CDH18: variants seen among roughly 807,000 people sequenced by gnomAD.
CDH18 encodes cadherin-18.
A neutral mutation model predicts 67.9 loss-of-function variants in CDH18; 31 were observed. The ratio of observed to expected loss-of-function variants is 0.46; its 90% CI spans 0.34 to 0.62. The LOEUF (loss-of-function observed/expected upper bound fraction) is 0.62, where lower values mean the gene tolerates loss of function less well. CDH18 is among the 20% of genes least tolerant of loss of function. The pLI is 0.01. For synonymous variants in CDH18, 362 were observed against 347.2 expected (o/e 1.04, Z -0.48); for missense variants, 890 against 975.5 (o/e 0.91, Z 1.17).
intron 1 of CDH18, among the ~76,000 whole-genome samples, chr5:20,498,065 G>T (rs1754016394): frequency 6.6e-6 from 1 of 152,118 alleles, no homozygotes; most frequent in Non-Finnish European, 1.5e-5. Context: ...CCAGTAACCA[G>T]ATCTTGGACT....
At chr5:20,235,936 A>G (rs531285299) in intron 2 of CDH18, among the ~76,000 whole-genome samples, 1 of 152,198 alleles carries the variant, frequency 6.6e-6, no homozygotes, top group African/African-American at 2.4e-5. Context: ...GAACAAAATC[A>G]TGTCCTTCAC....
chr5:20,553,369 C>G (rs1479834790), intron 1 of CDH18, among the ~76,000 whole-genome samples: 1 of 152,028 alleles, frequency 6.6e-6, no homozygotes, highest in Non-Finnish European at 1.5e-5. Flanking sequence ...AGCATTGTTA[C>G]CAAATAGCAT....
chr5:19,812,590 C>G (rs1035938069), intron 3 of CDH18, among the ~76,000 whole-genome samples: 1 of 151,946 alleles, frequency 6.6e-6, no homozygotes, highest in African/African-American at 2.4e-5. Context: ...TACAGGAGAA[C>G]AAAAGAACAA....
chr5:20,250,586 T>G, intron 2 of CDH18, among the ~76,000 whole-genome samples: 1 of 121,532 alleles, frequency 8.2e-6, no homozygotes, highest in Non-Finnish European at 1.6e-5. Context: ...CCACGGCCCA[T>G]GGCTTTTTTT....
chr5:19,774,501 C>G (rs1466265343), intron 3 of CDH18, among the ~76,000 whole-genome samples: 1 of 150,062 alleles, frequency 6.7e-6, no homozygotes, highest in Admixed American at 6.7e-5. Context: ...AAATGGAGCC[C>G]TCATGAATGG....
intron 2 of CDH18, among the ~76,000 whole-genome samples, chr5:19,873,413 T>C (rs1485031487): frequency 1.3e-5 from 2 of 152,052 alleles, no homozygotes; most frequent in Admixed American, 6.6e-5. Flanking sequence ...AAATTCTGGT[T>C]GTGTTAACCA....
At chr5:20,111,597 A>G (rs1470343486) in intron 2 of CDH18, among the ~76,000 whole-genome samples, 3 of 116,766 alleles carry the variant, frequency 2.6e-5, no homozygotes, top group African/African-American at 3.4e-5. Context: ...GCCAGGCTGG[A>G]GTGCTGGTGC....
At chr5:20,003,025 C>A (rs1488875356) in intron 2 of CDH18, among the ~76,000 whole-genome samples, 1 of 151,258 alleles carries the variant, frequency 6.6e-6, no homozygotes, top group Non-Finnish European at 1.5e-5. Context: ...AGTTTACATG[C>A]AAATTAATTA....
At chr5:19,492,351 G>T (rs1431748916) in intron 11 of CDH18, among the ~76,000 whole-genome samples, 2 of 152,086 alleles carry the variant, frequency 1.3e-5, no homozygotes, top group African/African-American at 2.4e-5. Context: ...GGATTAGGTT[G>T]CACTTGCATA....
intron 2 of CDH18, among the ~76,000 whole-genome samples, chr5:20,075,603 A>T (rs768226458): frequency 2.0e-5 from 3 of 152,244 alleles, no homozygotes; most frequent in Non-Finnish European, 4.4e-5. Flanking sequence ...ACGTCAAAAA[A>T]GAAAATTAAA....
chr5:20,046,678 A>G (rs1031305864), intron 2 of CDH18, among the ~76,000 whole-genome samples: 25 of 149,648 alleles, frequency 1.7e-4, no homozygotes, highest in African/African-American at 5.8e-4. Flanking sequence ...GTGTGTGTGT[A>G]TATATATATC....
At chr5:20,161,580 A>T (rs1486080610) in intron 2 of CDH18, among the ~76,000 whole-genome samples, 2 of 152,210 alleles carry the variant, frequency 1.3e-5, no homozygotes, top group African/African-American at 4.8e-5. Flanking sequence ...TGTTCTCATT[A>T]TCTCTTTTTG....
chr5:20,238,702 AG>A (rs1742659478), intron 2 of CDH18, among the ~76,000 whole-genome samples: 1 of 152,194 alleles, frequency 6.6e-6, no homozygotes, highest in Non-Finnish European at 1.5e-5. Flanking sequence ...ACAAAAGAAA[AG>A]AAAGTATGTG....
At chr5:20,082,771 A>G (rs1015824210) in intron 2 of CDH18, among the ~76,000 whole-genome samples, 2 of 152,210 alleles carry the variant, frequency 1.3e-5, no homozygotes, top group Non-Finnish European at 1.5e-5. Context: ...CAAAAAGACA[A>G]ACATATGCGG....
At chr5:20,115,066 T>A (rs915054401) in intron 2 of CDH18, among the ~76,000 whole-genome samples, 1 of 151,990 alleles carries the variant, frequency 6.6e-6, no homozygotes, top group African/African-American at 2.4e-5. Flanking sequence ...GCAACAAAAA[T>A]TTATTTCTTA....
chr5:20,181,540 T>G (rs1737686374), intron 2 of CDH18, among the ~76,000 whole-genome samples: 1 of 152,074 alleles, frequency 6.6e-6, no homozygotes, highest in African/African-American at 2.4e-5. Context: ...ATTTCCCAGA[T>G]GATCCCCTGA....
At chr5:20,179,619 A>G (rs1294034728) in intron 2 of CDH18, among the ~76,000 whole-genome samples, 3 of 152,166 alleles carry the variant, frequency 2.0e-5, no homozygotes. Context: ...CAGTGGGATT[A>G]CAATTGGTCA....
chr5:19,734,079 C>T (rs1767973456), intron 4 of CDH18, among the ~76,000 whole-genome samples: 1 of 152,156 alleles, frequency 6.6e-6, no homozygotes, highest in South Asian at 2.1e-4. Flanking sequence ...ATGAATGCAA[C>T]AAAATTTCAC....
intron 2 of CDH18, among the ~76,000 whole-genome samples, chr5:20,043,261 C>T (rs1448574029): frequency 6.6e-6 from 1 of 152,172 alleles, no homozygotes; most frequent in African/African-American, 2.4e-5. Context: ...CCACCGCAGA[C>T]TGCATCCACC....
Sources: gnomAD v4.1 joint callset for allele counts (sites outside exome capture counted in the v4.1 genomes callset) on GRCh38, gnomAD v4.1.1 for gene constraint, MANE v1.5 for transcripts, NCBI Gene and HGNC (gene_info 2026-07-23, HGNC 2026-07-21) for gene names.